Variants in SI observed in about 807,000 individuals in gnomAD.
The protein encoded by SI is sucrase-isomaltase, intestinal.
In SI, 235 loss-of-function variants were observed where a neutral mutation model predicts 253.3. That is an observed-to-expected ratio of 0.93 (90% CI 0.83 to 1.03). SI has a LOEUF of 1.03. Ranked by LOEUF, SI falls within the 50% of genes least tolerant of loss-of-function variation. The pLI is 0.00. For missense variants in SI, 2,442 were observed against 2,211.1 expected (o/e 1.10, Z -2.09); for synonymous variants, 819 against 712.0 (o/e 1.15, Z -2.39).
intron 47 of SI, 124 bp from the exon 48 acceptor site, chr3:164,979,554 G>C: frequency 1.8e-6 from 1 of 560,938 alleles, no homozygotes; most frequent in South Asian, 2.4e-5. Context: ...TATATCTTGA[G>C]AAATTTTTAC....
intron 34 of SI, among the ~76,000 whole-genome samples, chr3:165,009,655 T>A (rs76393796): frequency 6.6e-6 from 1 of 152,104 alleles, no homozygotes; most frequent in South Asian, 2.1e-4. Flanking sequence ...CACAAAAGCA[T>A]TATTTTTAGT....
Position 165,013,024 on chromosome 3 carries a change from T to C in SI, c.4018A>G (p.Asn1340Asp), listed in dbSNP as rs1304437794. The C allele has an allele frequency of 6.2e-7, 1 of 1,610,166 alleles. No homozygotes were observed. The change falls in exon 34 of 48, where the codon AAC becomes GAC. Residue 1340 changes from asparagine to aspartate, a missense_variant. By Grantham distance (23) the Asn-to-Asp change is conservative. Coordinates refer to ENST00000264382, the MANE Select transcript of SI (RefSeq NM_001041.4). ...GTTAGAGTTTTATCTATTGTTATGTTGGGCAAATCTGGCCAAACCTACAAG... is the reference window on the plus strand; with the variant it reads ...GTTAGAGTTTTATCTATTGTTATGTCGGGCAAATCTGGCCAAACCTACAAG... ...CWAKVWPDLP[N>D]ITIDKTLTED...
Position 165,046,829 on chromosome 3 carries a change from A to G in SI, c.1887+12T>C, listed in dbSNP as rs1380130537. ...TAGCTTTTATGAGTAACACTCTATG[A>G]AACTGTCTTACCAAAGGTATTCCAA... On this transcript the variant is annotated intron_variant, in intron 16 of 47. Coordinates refer to ENST00000264382, the MANE Select transcript of SI (RefSeq NM_001041.4). 6.2e-7 allele frequency: 1 copy of G among 1,603,788 alleles called. No homozygotes were observed. Among genetic ancestry groups the G allele is most frequent in the East Asian group, 2.2e-5 (1 of 44,708 alleles).
chr3:164,979,758 T>C (rs957461289), intron 47 of SI, among the ~76,000 whole-genome samples: 28 of 151,992 alleles, frequency 1.8e-4, no homozygotes, highest in South Asian at 6.2e-4. Context: ...TATTTATAAC[T>C]GCACCGCATG....
At chr3:165,076,534 C>T (rs1444755781) in intron 1 of SI, among the ~76,000 whole-genome samples, 1 of 151,670 alleles carries the variant, frequency 6.6e-6, no homozygotes, top group East Asian at 1.9e-4. Context: ...CTAATTCCAA[C>T]ACTACTTTCC....
chr3:165,010,950 ATTATCTGACTCTG>A (rs1186807552), intron 34 of SI, among the ~76,000 whole-genome samples: 2 of 152,160 alleles, frequency 1.3e-5, no homozygotes, highest in Non-Finnish European at 2.9e-5. Flanking sequence ...AGTAGGTTCA[ATTATCTGACTCTG>A]TTTTAGAAGT....
rs1713288511 is a variant in SI at position 165,049,031 on chromosome 3, C to A, written c.1715+96G>T. On this transcript the variant is annotated intron_variant, in intron 15 of 47. Coordinates refer to ENST00000264382, the MANE Select transcript of SI (RefSeq NM_001041.4). Reference sequence around the variant, plus strand: ...TAAAATATTATCTTTCTTTTTTCAACTTTGCTATTTCCTAATTATGAATAC... The same window carrying A: ...TAAAATATTATCTTTCTTTTTTCAAATTTGCTATTTCCTAATTATGAATAC... 22 of 783,340 alleles carry A rather than the reference C, an allele frequency of 2.8e-5. No homozygotes were observed. The South Asian group carries it at 2.9e-4, about 10-fold the overall frequency. The allele number at this position is 783,340 out of a possible 1,614,324, so 48.5% of individuals were successfully genotyped here.
chr3:164,996,846 A>G (rs1430214269), intron 38 of SI, 74 bp from the exon 39 acceptor site: 3 of 747,744 alleles, frequency 4.0e-6, no homozygotes, highest in Non-Finnish European at 6.2e-6. Context: ...ATTTCTATTT[A>G]TGATGATGTT....
chr3:165,044,767 T>A (rs1713024465), intron 16 of SI, among the ~76,000 whole-genome samples: 1 of 151,992 alleles, frequency 6.6e-6, no homozygotes, highest in Non-Finnish European at 1.5e-5. Flanking sequence ...GTCAAATTTA[T>A]GTATGTTTCT....
At position 164,999,367 on chromosome 3, in the gene SI, T is replaced by C. The variant is rs533614543; in HGVS notation, c.4407-694A>G. On this transcript the variant is annotated intron_variant, in intron 37 of 47. Transcript: ENST00000264382. ...ATTTTTATATCATCTTCATCTGTTT[T>C]CTTCTATCTCCCTTTCTTTTCCCTC... Among the ~76,000 whole-genome samples, 5 of 151,902 alleles carry C rather than the reference T, an allele frequency of 3.3e-5. No homozygotes were observed. The South Asian group carries it at 1.0e-3, about 31-fold the overall frequency.
intron 13 of SI, among the ~76,000 whole-genome samples, chr3:165,053,984 T>C (rs908839614): frequency 8.5e-5 from 13 of 152,168 alleles, no homozygotes; most frequent in African/African-American, 2.9e-4. Flanking sequence ...ATCTTCATTT[T>C]GTTACTGTCA....
chr3:165,070,095 A>G (rs1714459195), intron 3 of SI, among the ~76,000 whole-genome samples: 1 of 146,820 alleles, frequency 6.8e-6, no homozygotes, highest in Admixed American at 6.9e-5. Flanking sequence ...TGTACTATAT[A>G]TTTATATATT....
intron 22 of SI, among the ~76,000 whole-genome samples, 167 bp downstream of exon 22, chr3:165,036,222 C>A (rs1199733073): frequency 6.6e-6 from 1 of 151,594 alleles, no homozygotes; most frequent in Non-Finnish European, 1.5e-5. Flanking sequence ...AAGCAAATAA[C>A]AATGTTAAAA....
At chr3:164,995,342 A>G (rs1717960869) in intron 40 of SI, among the ~76,000 whole-genome samples, 1 of 151,794 alleles carries the variant, frequency 6.6e-6, no homozygotes, top group African/African-American at 2.4e-5. Flanking sequence ...GTATTTCCAA[A>G]GTTAAATAAG....
intron 27 of SI, 36 bp from the exon 28 acceptor site, chr3:165,019,806 A>G: frequency 6.4e-7 from 1 of 1,558,814 alleles, no homozygotes; most frequent in Non-Finnish European, 8.8e-7. Flanking sequence ...TGTCTGTCAA[A>G]ATATATGCAA....
intron 37 of SI, among the ~76,000 whole-genome samples, chr3:165,000,229 T>TC (rs1718196618): frequency 6.6e-6 from 1 of 151,378 alleles, no homozygotes; most frequent in African/African-American, 2.4e-5. Context: ...TTCTTTTTTT[T>TC]CTCTATTATA....
At chr3:165,087,784 A>G in the SI span, among the ~76,000 whole-genome samples, 2 of 152,192 alleles carry the variant, frequency 1.3e-5, no homozygotes, top group African/African-American at 4.8e-5. Flanking sequence ...TGTGCCCATA[A>G]AAACGTGGAT....
Position 164,982,299 on chromosome 3 carries a change from G to T in SI, c.5359C>A (p.Leu1787Ile). ...GAATTTTTATTTCCGTTATACGTTA[G>T]AGTAACTGCATTGACAGGAGTAGTT... ...KGTTPVNAVT[L>I]TYNGNKNSLP... The change falls in exon 47 of 48, where the codon CTA (leucine) becomes ATA (isoleucine). Residue 1787 changes from leucine (L) to isoleucine (I), a missense_variant. Transcript: ENST00000264382. 6.2e-7 allele frequency: 1 copy of T among 1,612,978 alleles called. No homozygotes were observed. The highest frequency in any genetic ancestry group is 8.5e-7 in the Non-Finnish European group (1 of 1,179,454).
At chr3:165,029,022 A>G (rs555717868) in intron 25 of SI, among the ~76,000 whole-genome samples, 1 of 151,428 alleles carries the variant, frequency 6.6e-6, no homozygotes, top group Middle Eastern at 3.4e-3. Context: ...CACCATCTAT[A>G]CATCTGACAA....
Sources: gnomAD v4.1 joint callset for allele counts (sites outside exome capture counted in the v4.1 genomes callset) on GRCh38, gnomAD v4.1.1 for gene constraint, MANE v1.5 for transcripts, NCBI Gene and HGNC (gene_info 2026-07-23, HGNC 2026-07-21) for gene names.